The following TSHZ2 variants were observed in gnomAD, a reference collection of about 807,000 sequenced individuals.
TSHZ2 encodes the protein teashirt zinc finger homeobox 2.
A neutral mutation model predicts 74.4 loss-of-function variants in TSHZ2; 21 were observed. The observed-to-expected ratio is 0.28, with a 90% CI of 0.20 to 0.41. TSHZ2 has a LOEUF of 0.41. Among genes scored for constraint, TSHZ2 ranks in the 10% least tolerant of loss-of-function variants. The probability of loss-of-function intolerance (pLI) is 1.00; values close to 1 mark genes in which losing one functional copy is unlikely to be tolerated. For synonymous variants in TSHZ2, 540 were observed against 515.3 expected, an observed-to-expected ratio of 1.05 and a Z score of -0.65; for missense variants, 1,244 against 1,293.5, an observed-to-expected ratio of 0.96 and a Z score of 0.59.
intron 1 of TSHZ2, among the ~76,000 whole-genome samples, chr20:53,072,038 G>T (rs1328661559): frequency 6.6e-6 from 1 of 152,188 alleles, no homozygotes; most frequent in East Asian, 1.9e-4. Context: ...ATCCCGTAAT[G>T]CACAGGGCAG....
intron 2 of TSHZ2, among the ~76,000 whole-genome samples, chr20:53,395,288 T>C (rs1982407249): frequency 6.6e-6 from 1 of 152,104 alleles, no homozygotes; most frequent in African/African-American, 2.4e-5. Context: ...CCTGGACCTA[T>C]GGAATTAGAG....
intron 1 of TSHZ2, among the ~76,000 whole-genome samples, chr20:53,236,635 T>C (rs1989945561): frequency 6.6e-6 from 1 of 152,204 alleles, no homozygotes; most frequent in East Asian, 1.9e-4. Flanking sequence ...GGCATGTGAC[T>C]GTATTAGTTC....
chr20:53,007,646 T>A (rs780134513), intron 1 of TSHZ2, among the ~76,000 whole-genome samples: 7 of 151,412 alleles, frequency 4.6e-5, no homozygotes, highest in Non-Finnish European at 1.0e-4. Flanking sequence ...TATACTCGTG[T>A]GTGTATGTAT....
At chr20:53,436,420 C>T (rs760736976) in intron 2 of TSHZ2, among the ~76,000 whole-genome samples, 139 of 152,068 alleles carry the variant, frequency 9.1e-4, no homozygotes, top group Non-Finnish European at 4.6e-4. Flanking sequence ...CAGGGAAGGA[C>T]ACACAGTGCC....
At chr20:53,044,620 G>A (rs1984159091) in intron 1 of TSHZ2, among the ~76,000 whole-genome samples, 1 of 152,308 alleles carries the variant, frequency 6.6e-6, no homozygotes, top group East Asian at 1.9e-4. Context: ...CAACTCTGAA[G>A]TGTAAGTCAC....
intron 1 of TSHZ2, among the ~76,000 whole-genome samples, chr20:52,985,695 A>G (rs1981728075): frequency 1.3e-5 from 2 of 152,206 alleles, no homozygotes; most frequent in Admixed American, 1.3e-4. Flanking sequence ...ACGATGCTCA[A>G]TAAATATTAT....
intron 2 of TSHZ2, among the ~76,000 whole-genome samples, chr20:53,469,044 T>TC (rs1231727848): frequency 1.3e-5 from 1 of 79,034 alleles, no homozygotes; most frequent in Non-Finnish European, 2.3e-5. Context: ...AAATCGATAT[T>TC]TTATATATAT....
At chr20:53,275,423 C>A (rs1990921955) in intron 2 of TSHZ2, among the ~76,000 whole-genome samples, 1 of 151,846 alleles carries the variant, frequency 6.6e-6, no homozygotes. Context: ...GCCTATAAAT[C>A]TCAGCAAGCA....
intron 1 of TSHZ2, among the ~76,000 whole-genome samples, chr20:53,084,386 GT>G (rs551864593): frequency 8.3e-4 from 126 of 152,274 alleles, no homozygotes; most frequent in African/African-American, 2.8e-3. Flanking sequence ...ATTTTTCACT[GT>G]TTGGGCATTA....
At chr20:53,469,627 AG>A (rs1568931914) in intron 2 of TSHZ2, among the ~76,000 whole-genome samples, 1 of 61,952 alleles carries the variant, frequency 1.6e-5, no homozygotes, top group Non-Finnish European at 3.1e-5. Context: ...AGAGGGAGGA[AG>A]GGAGGGAGGA....
At chr20:53,470,542 G>A (rs67252059) in intron 2 of TSHZ2, among the ~76,000 whole-genome samples, 11,723 of 152,136 alleles carry the variant, frequency 0.077, 501 homozygotes, top group East Asian at 0.17. Flanking sequence ...TTGGCCGGGC[G>A]CGGTGGCTCA....
chr20:53,084,813 C>G (rs577690317), intron 1 of TSHZ2, among the ~76,000 whole-genome samples: 6 of 151,736 alleles, frequency 4.0e-5, no homozygotes, highest in African/African-American at 1.2e-4. Context: ...TATGCAAGTG[C>G]CTTTCACCAA....
At chr20:53,415,960 T>C (rs73135915) in intron 2 of TSHZ2, among the ~76,000 whole-genome samples, 18,603 of 152,248 alleles carry the variant, frequency 0.12, 1,453 homozygotes, top group Non-Finnish European at 0.18. Flanking sequence ...TGTGTATAGA[T>C]GTGTGTATAT....
Position 53,109,113 on chromosome 20 carries a change from C to T in TSHZ2, c.40+135780C>T, listed in dbSNP as rs572881488. 7.3e-5 allele frequency among the ~76,000 whole-genome samples: 11 copies of T among 149,858 alleles called. No individual in the cohort carries two copies. The East Asian group carries it at 1.7e-3, about 24-fold the overall frequency. On this transcript the variant is annotated intron_variant, in intron 1 of 2. Transcript: ENST00000371497. ...TCTCTCCATACAAACATTCTCAAAT[C>T]TCTCTTTTCAACAAATAGACAAATA...
intron 1 of TSHZ2, among the ~76,000 whole-genome samples, chr20:53,138,584 C>G (rs1412514134): frequency 6.6e-6 from 1 of 152,114 alleles, no homozygotes; most frequent in African/African-American, 2.4e-5. Flanking sequence ...CTCCACCCCC[C>G]AACCCCTGCC....
At chr20:53,193,779 T>A (rs1258844532) in intron 1 of TSHZ2, among the ~76,000 whole-genome samples, 3 of 152,174 alleles carry the variant, frequency 2.0e-5, no homozygotes, top group Non-Finnish European at 4.4e-5. Context: ...AAAGCAGGTC[T>A]CTTCTTGAGC....
At chr20:53,130,713 G>A (rs764508996) in intron 1 of TSHZ2, among the ~76,000 whole-genome samples, 4 of 152,206 alleles carry the variant, frequency 2.6e-5, no homozygotes, top group Admixed American at 6.5e-5. Context: ...AGTGTGGTTA[G>A]GAGAGAAGAT....
intron 1 of TSHZ2, among the ~76,000 whole-genome samples, chr20:53,230,510 A>T (rs950103980): frequency 6.6e-6 from 1 of 152,184 alleles, no homozygotes; most frequent in Non-Finnish European, 1.5e-5. Flanking sequence ...ATGTCATGCC[A>T]CATGCACAGA....
chr20:53,073,539 T>A (rs1985268088), intron 1 of TSHZ2, among the ~76,000 whole-genome samples: 3 of 152,278 alleles, frequency 2.0e-5, no homozygotes, highest in Admixed American at 1.3e-4. Context: ...AATTTCTAGA[T>A]GCTGGGCTAC....
Sources: allele counts gnomAD v4.1 joint callset (sites outside exome capture counted in the v4.1 genomes callset), GRCh38; gene constraint gnomAD v4.1.1; transcripts MANE v1.5; gene names NCBI Gene and HGNC (gene_info 2026-07-23, HGNC 2026-07-21).